Variants in PER3 observed in about 807,000 individuals in gnomAD.
PER3 encodes period circadian protein homolog 3.
Under a neutral mutation model 127.2 loss-of-function variants are expected in PER3, and 107 were observed. That is an observed-to-expected ratio of 0.84 (90% CI 0.72 to 0.99). The LOEUF (loss-of-function observed/expected upper bound fraction) is 0.99. PER3 is among the 50% of genes least tolerant of loss of function. PER3 has a pLI of 0.00. For missense variants in PER3, 1,560 were observed against 1,525.8 expected (o/e 1.02, Z -0.37); for synonymous variants, 618 against 585.8 (o/e 1.05, Z -0.79).
rs2097402027 is a variant in PER3, at chr1:7,844,005, C to G, written c.*1250C>G. On this transcript the variant is annotated 3_prime_UTR_variant, in exon 22 of 22. Transcript: ENST00000377532. ...AATGAGGGTTACAGTAACCTGTTGTCTTTATATAACTTGCAACAAACTAAT... is the reference window on the plus strand; with the variant it reads ...AATGAGGGTTACAGTAACCTGTTGTGTTTATATAACTTGCAACAAACTAAT... 8.7e-7 allele frequency: 1 copy of G among 1,144,564 alleles called. No individual in the cohort carries two copies. The highest frequency in any genetic ancestry group is 1.8e-5 in the South Asian group (1 of 55,782). The allele number at this position is 1,144,564 out of a possible 1,614,324, so 70.9% of individuals were successfully genotyped here.
intron 20 of PER3, 163 bp from the exon 21 acceptor site, chr1:7,836,836 C>T (rs1386562828): frequency 8.3e-6 from 4 of 482,084 alleles, no homozygotes; most frequent in East Asian, 3.1e-5. Context: ...AAGCCTTTAC[C>T]AACTTGAAAA....
At chr1:7,824,209 T>C (rs1170128849) in intron 16 of PER3, among the ~76,000 whole-genome samples, 2 of 152,070 alleles carry the variant, frequency 1.3e-5, no homozygotes, top group African/African-American at 4.8e-5. Flanking sequence ...AGTTACAGTT[T>C]TAAAAAGTCA....
Position 7,784,734 on chromosome 1 carries a change from C to G in PER3, c.-144C>G, listed in dbSNP as rs557880147. The G allele has an allele frequency of 1.2e-6, 1 of 816,440 alleles. No homozygotes were observed. Among genetic ancestry groups the G allele is most frequent in the Non-Finnish European group, 1.7e-6 (1 of 574,946 alleles). The allele number at this position is 816,440 out of a possible 1,614,324, so 50.6% of individuals were successfully genotyped here. ...GCTCCTCGGAGATGAGCGTGACCCC[C>G]TGGCTCGTGGTGGCCGCCTGTTCTC... On this transcript the variant is annotated 5_prime_UTR_variant, in exon 2 of 22. Transcript: ENST00000377532.
chr1:7,799,273 C>T (rs1003483594), intron 7 of PER3, among the ~76,000 whole-genome samples: 1 of 152,088 alleles, frequency 6.6e-6, no homozygotes, highest in Non-Finnish European at 1.5e-5. Context: ...AACTCAAAAG[C>T]TTAGTTGCGT....
chr1:7,817,343 C>G (rs151293670), intron 13 of PER3, among the ~76,000 whole-genome samples: 2 of 152,146 alleles, frequency 1.3e-5, no homozygotes, highest in Non-Finnish European at 2.9e-5. Context: ...ACAACTGAGT[C>G]CAACTGCATT....
At position 7,820,698 on chromosome 1, in the gene PER3, G is replaced by C. The variant is rs1030844083; in HGVS notation, c.1957+58G>C. ...CTCAACTTTAACTACATTGTGATGA[G>C]AAAACAAAAGTCATGAATACCATTC... On this transcript the variant is annotated intron_variant, in intron 16 of 21. Coordinates refer to ENST00000377532, the MANE Select transcript of PER3 (RefSeq NM_001377275.1). The C allele has an allele frequency of 5.0e-6, 7 of 1,393,144 alleles. No individual in the cohort carries two copies. In the African/African-American group the frequency reaches 1.0e-4, roughly 20 times the overall value. The allele number at this position is 1,393,144 out of a possible 1,614,324, so 86.3% of individuals were successfully genotyped here. A position where few individuals can be genotyped will look rare whatever the true frequency, so the allele number is the denominator to read the frequency against.
At position 7,801,192 on chromosome 1, in the gene PER3, G is replaced by A; in HGVS notation, c.872+1G>A. 3 of 1,524,948 alleles carry A rather than the reference G, an allele frequency of 2.0e-6. No individual in the cohort carries two copies. The highest frequency in any genetic ancestry group is 9.0e-7 in the Non-Finnish European group (1 of 1,108,286). The allele number at this position is 1,524,948 out of a possible 1,614,324, so 94.5% of individuals were successfully genotyped here. A position where few individuals can be genotyped will look rare whatever the true frequency, so the allele number is the denominator to read the frequency against. Reference sequence around the variant, plus strand: ...GTGTTTTTCTTGAAGTAGATGAAAAGTAAGTACTTCTTTAAGCCTAAAAGA... The same window carrying A: ...GTGTTTTTCTTGAAGTAGATGAAAAATAAGTACTTCTTTAAGCCTAAAAGA... On this transcript the variant is annotated splice_donor_variant, in intron 8 of 21. Transcript: ENST00000377532. LOFTEE classifies it high-confidence loss of function.
rs1028817497 is a variant in PER3, at chr1:7,785,589, A to G, written c.274+3A>G. ...CCGCTGTGTCCACAGCGTTCAAGGT[A>G]AACAAGCCGGAGAGAAATTTCATCC... is the stretch of plus-strand genomic sequence containing the variant. On this transcript the variant is annotated splice_donor_region_variant and intron_variant, in intron 3 of 21. Coordinates refer to ENST00000377532, the MANE Select transcript of PER3 (RefSeq NM_001377275.1). The G allele has an allele frequency of 2.5e-6, 4 of 1,607,986 alleles. No individual in the cohort carries two copies. Among genetic ancestry groups the G allele is most frequent in the Non-Finnish European group, 1.7e-6 (2 of 1,176,764 alleles).
chr1:7,843,861 T>C lies in PER3; in HGVS notation c.*1106T>C. On this transcript the variant is annotated 3_prime_UTR_variant, in exon 22 of 22. Coordinates refer to ENST00000377532, the MANE Select transcript of PER3 (RefSeq NM_001377275.1). ...TCTTTTAAGAAGTGAGTGTGATTGT[T>C]TACTTGATAAATCAGCTCACTCTCT... 1 of 1,198,270 alleles carries C rather than the reference T, an allele frequency of 8.3e-7. No individual in the cohort carries two copies. Among genetic ancestry groups the C allele is most frequent in the Non-Finnish European group, 1.1e-6 (1 of 926,998 alleles). The allele number at this position is 1,198,270 out of a possible 1,614,324, so 74.2% of individuals were successfully genotyped here.
At position 7,827,567 on chromosome 1, in the gene PER3, G is replaced by A; in HGVS notation, c.2638G>A (p.Gly880Arg). 1 of 1,614,126 alleles carries A rather than the reference G, an allele frequency of 6.2e-7. No homozygotes were observed. Among genetic ancestry groups the A allele is most frequent in the Non-Finnish European group, 8.5e-7 (1 of 1,180,008 alleles). Reference protein sequence around the residue: ...SPSFLPCPFLGATASSAISPS... With the variant: ...SPSFLPCPFLRATASSAISPS... ...ATCGTTTTTGCCATGTCCATTCCTG[G>A]GGGCGACAGCCTCTTCTGCGATATC... is the stretch of plus-strand genomic sequence containing the variant. The change falls in exon 18 of 22, where the codon GGG becomes AGG. Residue 880 changes from glycine (G) to arginine (R), a missense_variant. Gly to Arg is a moderately radical substitution (Grantham distance 125). Around this residue, in one of 3 missense-constraint regions of PER3, gnomAD observed 1,332 missense variants for 1,223.6 expected, o/e 1.09. Coordinates refer to ENST00000377532, the MANE Select transcript of PER3 (RefSeq NM_001377275.1).
intron 6 of PER3, among the ~76,000 whole-genome samples, chr1:7,797,692 T>C (rs2097152161): frequency 6.6e-6 from 1 of 150,654 alleles, no homozygotes; most frequent in Non-Finnish European, 1.5e-5. Flanking sequence ...GACTAGAGAA[T>C]CTCTGGCAGT....
Position 7,801,093 on chromosome 1 carries a change from CTT to C in PER3, c.794-18_794-17del, listed in dbSNP as rs34433622. 20 of 1,512,622 alleles carry C rather than the reference CTT, an allele frequency of 1.3e-5. No individual in the cohort carries two copies. Among genetic ancestry groups the C allele is most frequent in the Non-Finnish European group, 1.6e-5 (18 of 1,092,680 alleles). The allele number at this position is 1,512,622 out of a possible 1,614,324, so 93.7% of individuals were successfully genotyped here. The stretch of plus-strand genomic sequence containing the variant: ...ATTAGATATTTGCCTTTAAATGGGT[CTT>C]TGTTTTTTTTTCCTTAGCTCCTCGG... On this transcript the variant is annotated intron_variant, in intron 7 of 21. Transcript: ENST00000377532.
intron 16 of PER3, among the ~76,000 whole-genome samples, chr1:7,823,532 C>CT (rs1229510463): frequency 6.6e-6 from 1 of 152,012 alleles, no homozygotes; most frequent in Non-Finnish European, 1.5e-5. Context: ...ATCCCAGCTA[C>CT]TCAGGAGGCT....
chr1:7,826,763 T>C lies in PER3; in HGVS notation c.2188+53T>C. The C allele has an allele frequency of 2.8e-6, 3 of 1,072,126 alleles. No homozygotes were observed. Among genetic ancestry groups the C allele is most frequent in the South Asian group, 2.6e-5 (2 of 76,220 alleles). The allele number at this position is 1,072,126 out of a possible 1,614,324, so 66.4% of individuals were successfully genotyped here. Reference sequence around the variant, plus strand: ...ATTAATCTATGTAAATGTTACAAACTGTATCTAAGGACTAGGAGATAAGGA... The same window carrying C: ...ATTAATCTATGTAAATGTTACAAACCGTATCTAAGGACTAGGAGATAAGGA... On this transcript the variant is annotated intron_variant, in intron 17 of 21. Transcript: ENST00000377532. The surrounding 1 kb of genome is among the most constrained non-coding windows in gnomAD (Gnocchi z 4.2).
chr1:7,821,672 G>A (rs17031610), intron 16 of PER3, among the ~76,000 whole-genome samples: 7,421 of 152,102 alleles, frequency 0.049, 627 homozygotes, highest in East Asian at 0.27. Context: ...TTATATGACC[G>A]TTTTTAATGA....
At chr1:7,836,772 C>A (rs1296526588) in intron 20 of PER3, 2 of 372,918 alleles carry the variant, frequency 5.4e-6, no homozygotes, top group Non-Finnish European at 9.6e-6. Flanking sequence ...AGGGAAATCT[C>A]TTTCTTCCAT....
intron 20 of PER3, among the ~76,000 whole-genome samples, chr1:7,836,166 T>G (rs559083307): frequency 6.6e-6 from 1 of 152,000 alleles, no homozygotes; most frequent in East Asian, 1.9e-4. Context: ...CGTGTCTAAT[T>G]TTTGTATTTT....
In PER3 at chr1:7,795,516, C is replaced by T. The variant is rs79318808; in HGVS notation, c.644+1508C>T. On this transcript the variant is annotated intron_variant, in intron 6 of 21. Transcript: ENST00000377532. ...AAGGAGGGCAGGGGGTGAGCCACACCGGTATCTGAGGGGTGGCAAGTGTCT... is the reference window on the plus strand; with the variant it reads ...AAGGAGGGCAGGGGGTGAGCCACACTGGTATCTGAGGGGTGGCAAGTGTCT... Among the ~76,000 whole-genome samples the T allele has an allele frequency of 9.3e-3, 1,417 of 152,200 alleles. 16 individuals carry two copies. The highest frequency in any genetic ancestry group is 0.031 in the African/African-American group (1,283 of 41,514).
chr1:7,784,903 C>T lies in PER3; in HGVS notation c.26C>T (p.Pro9Leu), dbSNP rs2097077989. Residue 9 changes from proline (P) to leucine (L), a missense_variant, in exon 2 of 22, where the codon CCC (proline) becomes CTC (leucine). By Grantham distance (98) the Pro-to-Leu change is moderately conservative. This residue lies in a region of PER3 where 1,332 missense variants were observed against 1,223.6 expected (regional missense o/e 1.09). Transcript: ENST00000377532. ...ATGCCCCGCGGGGAAGCTCCTGGCC[C>T]CGGGAGACGGGGGGCTAAGGACGAG... MPRGEAPG[P>L]GRRGAKDEAL... 2 of 1,522,518 alleles carry T rather than the reference C, an allele frequency of 1.3e-6. No homozygotes were observed. Among genetic ancestry groups the T allele is most frequent in the Non-Finnish European group, 1.7e-6 (2 of 1,147,770 alleles). The allele number at this position is 1,522,518 out of a possible 1,614,324, so 94.3% of individuals were successfully genotyped here.
Sources: allele counts gnomAD v4.1 joint callset (sites outside exome capture counted in the v4.1 genomes callset), GRCh38; gene constraint gnomAD v4.1.1; regional missense constraint gnomAD v4.1.1; non-coding constraint Gnocchi (gnomAD v3.1); transcripts MANE v1.5; gene names NCBI Gene and HGNC (gene_info 2026-07-23, HGNC 2026-07-21).